PCCA: variants seen among roughly 807,000 people sequenced by gnomAD.
PCCA encodes the protein propionyl-CoA carboxylase subunit alpha.
A neutral mutation model predicts 101.3 loss-of-function variants in PCCA; 74 were observed. The observed-to-expected ratio is 0.73, with a 90% CI of 0.61 to 0.89. The LOEUF (loss-of-function observed/expected upper bound fraction) is 0.89, where lower values mean the gene tolerates loss of function less well. PCCA is among the 40% of genes least tolerant of loss of function. The pLI is 0.00. For synonymous variants in PCCA, 294 were observed against 313.6 expected (o/e 0.94, Z 0.66); for missense variants, 891 against 907.0 (o/e 0.98, Z 0.23).
chr13:100,509,851 G>GTTTTGTTTTGTT (rs2086352574), intron 21 of PCCA, among the ~76,000 whole-genome samples: 1 of 151,810 alleles, frequency 6.6e-6, no homozygotes, highest in Admixed American at 6.6e-5. Context: ...GTTTTGTTTT[G>GTTTTGTTTTGTT]TTTTGTTTTT....
chr13:100,371,934 A>T (rs1485806948), intron 19 of PCCA, among the ~76,000 whole-genome samples: 1 of 152,242 alleles, frequency 6.6e-6, no homozygotes, highest in Admixed American at 6.5e-5. Flanking sequence ...AGTGGAGAAA[A>T]GACAGCCTTT....
intron 8 of PCCA, among the ~76,000 whole-genome samples, chr13:100,256,822 A>C (rs2062107066): frequency 6.6e-6 from 1 of 152,242 alleles, no homozygotes; most frequent in African/African-American, 2.4e-5. Flanking sequence ...CATCTAAAGA[A>C]GGAGACTTGT....
At chr13:100,298,740 T>C (rs9557411) in intron 12 of PCCA, among the ~76,000 whole-genome samples, 1 of 78,924 alleles carries the variant, frequency 1.3e-5, no homozygotes, top group Non-Finnish European at 2.5e-5. Context: ...CCTTCCTTCC[T>C]TCCGTCCTTC....
intron 7 of PCCA, among the ~76,000 whole-genome samples, 165 bp downstream of exon 7, chr13:100,209,628 CATTT>C (rs758344371): frequency 1.3e-5 from 2 of 152,026 alleles, no homozygotes; most frequent in African/African-American, 2.4e-5. Flanking sequence ...AGTGTTTTTA[CATTT>C]ATTTATTTAT....
intron 20 of PCCA, among the ~76,000 whole-genome samples, chr13:100,447,087 T>C (rs73560978): frequency 1.2e-3 from 176 of 152,280 alleles, no homozygotes; most frequent in African/African-American, 4.1e-3. Flanking sequence ...GATAAATTCT[T>C]AGAAGTAAAA....
rs1245721727 is a variant in PCCA at position 100,273,240 on chromosome 13, C to T, written c.959C>T (p.Ala320Val). 1.7e-5 allele frequency: 27 copies of T among 1,611,262 alleles called. No homozygotes were observed. The highest frequency in any genetic ancestry group is 2.3e-5 in the Non-Finnish European group (27 of 1,177,368). The stretch of plus-strand genomic sequence containing the variant: ...ACTCGAAGAGCGATGGGAGAACAAG[C>T]TGTAGCTCTTGCCAGAGCAGTAAAA... Reference protein sequence around the residue: ...AETRRAMGEQAVALARAVKYS... With the variant: ...AETRRAMGEQVVALARAVKYS... The change falls in exon 12 of 24, where the codon GCT becomes GTT. Residue 320 changes from alanine (A) to valine (V), a missense_variant. Ala to Val is a moderately conservative substitution (Grantham distance 64, BLOSUM62 0). Transcript: ENST00000376285.
chr13:100,423,171 G>A (rs904832700), intron 19 of PCCA, among the ~76,000 whole-genome samples: 11 of 151,986 alleles, frequency 7.2e-5, no homozygotes, highest in African/African-American at 2.7e-4. Context: ...AGTTTGAAAG[G>A]GTAGGCTGGT....
Position 100,274,793 on chromosome 13 carries a change from T to A in PCCA, c.1065+1447T>A, listed in dbSNP as rs77236892. On this transcript the variant is annotated intron_variant, in intron 12 of 23. Transcript: ENST00000376285. ...TACGTGATTTCCTCTGCCAAGATCC[T>A]GTTTTCAAGTAAGGTCACAGTCACA... 1.6e-4 allele frequency among the ~76,000 whole-genome samples: 25 copies of A among 151,578 alleles called. No individual in the cohort carries two copies. In the East Asian group the frequency reaches 4.9e-3, roughly 30 times the overall value.
intron 8 of PCCA, among the ~76,000 whole-genome samples, chr13:100,239,923 A>C (rs938868175): frequency 6.6e-6 from 1 of 152,062 alleles, no homozygotes; most frequent in Non-Finnish European, 1.5e-5. Flanking sequence ...CCTTTCAGTC[A>C]GGCCAAAACT....
At chr13:100,293,206 G>T (rs943454036) in intron 12 of PCCA, 1 of 471,198 alleles carries the variant, frequency 2.1e-6, no homozygotes. Flanking sequence ...AGTTGCTTAT[G>T]TTGATTGGTA....
At chr13:100,231,184 TAAG>T (rs2152513759) in intron 7 of PCCA, among the ~76,000 whole-genome samples, 1 of 152,348 alleles carries the variant, frequency 6.6e-6, no homozygotes, top group South Asian at 2.1e-4. Flanking sequence ...TGGCTGTATT[TAAG>T]GTTTGTCTTT....
At chr13:100,309,805 A>T in intron 15 of PCCA, 28 bp from the exon 16 acceptor site, 1 of 1,409,302 alleles carries the variant, frequency 7.1e-7, no homozygotes, top group Non-Finnish European at 1.0e-6. Context: ...ATATATATAT[A>T]TTGGGTTTTT....
chr13:100,528,087 A>T (rs150517220), intron 23 of PCCA, among the ~76,000 whole-genome samples: 3 of 152,356 alleles, frequency 2.0e-5, no homozygotes, highest in Non-Finnish European at 4.4e-5. Flanking sequence ...GACTTAGGTG[A>T]CACAGCAGCA....
intron 7 of PCCA, among the ~76,000 whole-genome samples, chr13:100,224,366 G>A (rs942770258): frequency 6.6e-6 from 1 of 152,214 alleles, no homozygotes; most frequent in Non-Finnish European, 1.5e-5. Context: ...CCAAGCCCAC[G>A]CCCACCCGGA....
intron 19 of PCCA, among the ~76,000 whole-genome samples, chr13:100,372,682 A>G (rs1427260334): frequency 3.3e-5 from 5 of 152,136 alleles, no homozygotes; most frequent in African/African-American, 1.2e-4. Context: ...CAACAGAGTG[A>G]GAAGGCAACC....
At chr13:100,448,292 A>G (rs1355159241) in intron 20 of PCCA, among the ~76,000 whole-genome samples, 1 of 152,170 alleles carries the variant, frequency 6.6e-6, no homozygotes, top group East Asian at 1.9e-4. Flanking sequence ...TCCTGGGTCC[A>G]AGCAATTCTT....
intron 21 of PCCA, among the ~76,000 whole-genome samples, chr13:100,505,632 G>A (rs1217141093): frequency 6.6e-6 from 1 of 152,200 alleles, no homozygotes. Flanking sequence ...TGGGAACCTG[G>A]GGCGGGCGGA....
intron 2 of PCCA, among the ~76,000 whole-genome samples, chr13:100,108,496 C>T (rs78676688): frequency 6.6e-6 from 1 of 152,142 alleles, no homozygotes; most frequent in African/African-American, 2.4e-5. Context: ...TACAACTCTC[C>T]TAAGCATACC....
At chr13:100,422,106 C>CTTTCT (rs2078841795) in intron 19 of PCCA, among the ~76,000 whole-genome samples, 1 of 119,970 alleles carries the variant, frequency 8.3e-6, no homozygotes, top group Non-Finnish European at 1.7e-5. Context: ...TTCTTTCTTT[C>CTTTCT]TTTCTTTCTT....
Sources: gnomAD v4.1 joint callset for allele counts (sites outside exome capture counted in the v4.1 genomes callset) on GRCh38, gnomAD v4.1.1 for gene constraint, MANE v1.5 for transcripts, NCBI Gene and HGNC (gene_info 2026-07-23, HGNC 2026-07-21) for gene names.